PCLO: variants seen among roughly 807,000 people sequenced by gnomAD.
The protein encoded by PCLO is protein piccolo.
A neutral mutation model predicts 427.5 loss-of-function variants in PCLO; 82 were observed. The ratio of observed to expected loss-of-function variants is 0.19; its 90% CI spans 0.16 to 0.23. PCLO has a LOEUF of 0.23. Ranked by LOEUF, PCLO falls within the 10% of genes least tolerant of loss-of-function variation. The pLI, the probability that PCLO is intolerant of heterozygous loss-of-function variation, is 1.00. For synonymous variants in PCLO, 2,357 were observed against 2,155.4 expected (o/e 1.09, Z -2.59); for missense variants, 6,239 against 6,115.9 (o/e 1.02, Z -0.67).
chr7:82,843,324 T>C (rs1792414481), intron 13 of PCLO, among the ~76,000 whole-genome samples: 1 of 152,136 alleles, frequency 6.6e-6, no homozygotes, highest in Non-Finnish European at 1.5e-5. Flanking sequence ...TGCCACATTA[T>C]CTCACTCATA....
intron 8 of PCLO, among the ~76,000 whole-genome samples, chr7:82,906,581 A>G (rs1201858564): frequency 6.6e-6 from 1 of 152,110 alleles, no homozygotes; most frequent in Non-Finnish European, 1.5e-5. Flanking sequence ...TCTATTTAGA[A>G]AAAATGATAA....
intron 20 of PCLO, among the ~76,000 whole-genome samples, chr7:82,814,997 T>C (rs1054818665): frequency 6.6e-6 from 1 of 152,044 alleles, no homozygotes; most frequent in Admixed American, 6.6e-5. Context: ...TATCATGCTA[T>C]TTATTTTTAA....
intron 16 of PCLO, among the ~76,000 whole-genome samples, chr7:82,830,981 A>T (rs1311121039): frequency 6.6e-6 from 1 of 151,954 alleles, no homozygotes; most frequent in Non-Finnish European, 1.5e-5. Context: ...CAACTAAAAA[A>T]CCCTTAATTG....
intron 18 of PCLO, among the ~76,000 whole-genome samples, chr7:82,825,007 G>A (rs1422016045): frequency 6.6e-6 from 1 of 151,892 alleles, no homozygotes; most frequent in African/African-American, 2.4e-5. Flanking sequence ...ATCTTAAACT[G>A]GACTAGCAAC....
chr7:82,778,527 T>C (rs1341685428), intron 22 of PCLO, among the ~76,000 whole-genome samples: 2 of 152,206 alleles, frequency 1.3e-5, no homozygotes, highest in Non-Finnish European at 2.9e-5. Flanking sequence ...AAAGTTTTAA[T>C]TATTAGTCTT....
At chr7:82,951,608 A>G in intron 5 of PCLO, 118 bp from the exon 6 acceptor site, 1 of 854,072 alleles carries the variant, frequency 1.2e-6, no homozygotes, top group Non-Finnish European at 1.8e-6. Context: ...TCCACAGGGT[A>G]ACCTAATTAT....
chr7:83,003,193 A>T (rs1359841093), intron 3 of PCLO, among the ~76,000 whole-genome samples: 1 of 151,410 alleles, frequency 6.6e-6, no homozygotes, highest in Non-Finnish European at 1.5e-5. Context: ...ATAAAATTTT[A>T]AAATATACGA....
rs1321519169 is a variant in PCLO at position 82,950,976 on chromosome 7, G to A, written c.9612C>T (p.Val3204=). The change falls in exon 6 of 25, where the codon GTC becomes GTT. Residue 3204 remains valine, a synonymous_variant. Coordinates refer to ENST00000333891, the MANE Select transcript of PCLO (RefSeq NM_033026.6). The stretch of plus-strand genomic sequence containing the variant: ...GCTGCTGTTGTTTATCTTCTTCAGG[G>A]ACAATTAAAAGAGCACTTTCATCTC... ...VVGDESALLI[V]PEEDKQQQQL... The A allele has an allele frequency of 6.2e-7, 1 of 1,613,610 alleles. No individual in the cohort carries two copies. Among genetic ancestry groups the A allele is most frequent in the Non-Finnish European group, 8.5e-7 (1 of 1,179,858 alleles).
chr7:83,108,375 T>C lies in PCLO; in HGVS notation c.3300+25875A>G, dbSNP rs148661159. 3.5e-3 allele frequency among the ~76,000 whole-genome samples: 537 copies of C among 152,240 alleles called. 2 individuals carry two copies. Among genetic ancestry groups the C allele is most frequent in the African/African-American group, 0.013 (521 of 41,534 alleles). On this transcript the variant is annotated intron_variant, in intron 3 of 24. Coordinates refer to ENST00000333891, the MANE Select transcript of PCLO (RefSeq NM_033026.6). ...ACTTATCTATATACCTACTTACTTA[T>C]CTATCTGTAATAATTAAGACATATG...
At chr7:83,023,563 C>G (rs1393038465) in intron 3 of PCLO, among the ~76,000 whole-genome samples, 1 of 152,076 alleles carries the variant, frequency 6.6e-6, no homozygotes, top group African/African-American at 2.4e-5. Flanking sequence ...AAATTCAAAA[C>G]AGTTGTAAGT....
At position 82,873,179 on chromosome 7, in the gene PCLO, GTTTTT is replaced by G. The variant is rs59328364; in HGVS notation, c.13654+6153_13654+6157del. Among the ~76,000 whole-genome samples, 93 of 110,092 alleles carry G rather than the reference GTTTTT, an allele frequency of 8.4e-4. 1 individual carries two copies. The highest frequency in any genetic ancestry group is 5.1e-3 in the Middle Eastern group (1 of 196). The allele number at this position is 110,092 out of a possible 152,430, so 72.2% of individuals were successfully genotyped here. On this transcript the variant is annotated intron_variant, in intron 10 of 24. Transcript: ENST00000333891. ...GGCTGTTTGCTATATTATTCTGTAAGTTTTTTTTTTTTTTTTTTTTTGTACATTCG... is the reference window on the plus strand; with the variant it reads ...GGCTGTTTGCTATATTATTCTGTAAGTTTTTTTTTTTTTTTTGTACATTCG...
rs1385072927 is a variant in PCLO, at chr7:82,792,506, T to G, written c.15007+9012A>C. Among the ~76,000 whole-genome samples the G allele has an allele frequency of 3.3e-5, 5 of 152,140 alleles. No individual in the cohort carries two copies. In the East Asian group the frequency reaches 5.8e-4, roughly 18 times the overall value. On this transcript the variant is annotated intron_variant, in intron 22 of 24. Coordinates refer to ENST00000333891, the MANE Select transcript of PCLO (RefSeq NM_033026.6). ...CCACACCCAGCTAATTTTCGTATTTTTTTTAGAGATGGGGTTTTGTCATGT... is the reference window on the plus strand; with the variant it reads ...CCACACCCAGCTAATTTTCGTATTTGTTTTAGAGATGGGGTTTTGTCATGT...
intron 22 of PCLO, among the ~76,000 whole-genome samples, chr7:82,764,426 G>A (rs1790491343): frequency 6.6e-6 from 1 of 151,850 alleles, no homozygotes; most frequent in South Asian, 2.1e-4. Context: ...AAAATAAAAT[G>A]CAGAGTTGAG....
At chr7:83,028,243 A>C (rs1172351473) in intron 3 of PCLO, among the ~76,000 whole-genome samples, 1 of 150,820 alleles carries the variant, frequency 6.6e-6, no homozygotes, top group Non-Finnish European at 1.5e-5. Context: ...TAAGCTGATA[A>C]GCAACTTCAA....
chr7:83,055,711 G>A (rs1275330286), intron 3 of PCLO, among the ~76,000 whole-genome samples: 1 of 152,164 alleles, frequency 6.6e-6, no homozygotes, highest in African/African-American at 2.4e-5. Context: ...TAAAAAACAT[G>A]TGGGAGTCAA....
At chr7:83,086,266 A>G (rs12707546) in intron 3 of PCLO, among the ~76,000 whole-genome samples, 74,237 of 151,848 alleles carry the variant, frequency 0.49, 18,292 homozygotes, top group African/African-American at 0.51. Flanking sequence ...ACATGCTACC[A>G]CGCCCAGCTA....
chr7:83,118,422 T>C (rs1235090044), intron 3 of PCLO, among the ~76,000 whole-genome samples: 1 of 151,956 alleles, frequency 6.6e-6, no homozygotes, highest in Non-Finnish European at 1.5e-5. Context: ...TTTAATATAA[T>C]ATTAAGGAAA....
At chr7:83,145,268 G>A (rs560803327) in intron 2 of PCLO, among the ~76,000 whole-genome samples, 71 of 152,110 alleles carry the variant, frequency 4.7e-4, no homozygotes, top group Non-Finnish European at 9.1e-4. Flanking sequence ...ATGAATCAAT[G>A]TAAGTCTCTG....
At chr7:82,858,953 G>GA (rs1302314141) in intron 10 of PCLO, among the ~76,000 whole-genome samples, 2 of 152,106 alleles carry the variant, frequency 1.3e-5, no homozygotes, top group African/African-American at 2.4e-5. Flanking sequence ...CATAGAAATA[G>GA]AAAAAAATCT....
Sources: allele counts gnomAD v4.1 joint callset (sites outside exome capture counted in the v4.1 genomes callset), GRCh38; gene constraint gnomAD v4.1.1; transcripts MANE v1.5; gene names NCBI Gene and HGNC (gene_info 2026-07-23, HGNC 2026-07-21).